Variants in XYLT1 observed in about 807,000 individuals in gnomAD.
XYLT1 encodes xylosyltransferase 1.
In XYLT1, 36 loss-of-function variants were observed where a neutral mutation model predicts 91.3. The observed-to-expected ratio is 0.39, with a 90% CI of 0.30 to 0.52. The LOEUF is 0.52. Ranked by LOEUF, XYLT1 falls within the 20% of genes least tolerant of loss-of-function variation. XYLT1 has a pLI of 0.68. For missense variants in XYLT1, 1,242 were observed against 1,284.5 expected (o/e 0.97, Z 0.51); for synonymous variants, 588 against 532.0 (o/e 1.11, Z -1.45).
intron 5 of XYLT1, among the ~76,000 whole-genome samples, chr16:17,183,132 C>T (rs2032107224): frequency 6.6e-6 from 1 of 152,170 alleles, no homozygotes; most frequent in Non-Finnish European, 1.5e-5. Context: ...CCAGCTTGGC[C>T]ACGATCAAGT....
intron 2 of XYLT1, among the ~76,000 whole-genome samples, chr16:17,270,356 C>A (rs1345056443): frequency 1.1e-4 from 16 of 152,200 alleles, no homozygotes; most frequent in Non-Finnish European, 1.5e-5. Flanking sequence ...CAGAGCCCAG[C>A]CCCTGACTTA....
At chr16:17,441,549 C>T (rs566604418) in intron 1 of XYLT1, among the ~76,000 whole-genome samples, 1 of 150,664 alleles carries the variant, frequency 6.6e-6, no homozygotes, top group East Asian at 1.9e-4. Flanking sequence ...CGCCCTGCAC[C>T]TGTCCTAGAG....
intron 6 of XYLT1, among the ~76,000 whole-genome samples, chr16:17,153,350 A>G (rs2031327740): frequency 6.6e-6 from 1 of 152,250 alleles, no homozygotes; most frequent in Non-Finnish European, 1.5e-5. Flanking sequence ...GTCTGGCTCC[A>G]GAGCCTGGAT....
At chr16:17,421,126 C>A (rs2036246644) in intron 1 of XYLT1, among the ~76,000 whole-genome samples, 1 of 152,198 alleles carries the variant, frequency 6.6e-6, no homozygotes, top group African/African-American at 2.4e-5. Context: ...ATCATTAGGA[C>A]TCCATGGAGA....
intron 1 of XYLT1, among the ~76,000 whole-genome samples, chr16:17,405,324 G>A (rs867860961): frequency 1.6e-4 from 24 of 152,176 alleles, no homozygotes; most frequent in Non-Finnish European, 2.5e-4. Flanking sequence ...GAGAAACAGC[G>A]TGGCTGCCAA....
At chr16:17,292,674 T>C (rs2034249129) in intron 2 of XYLT1, among the ~76,000 whole-genome samples, 1 of 152,142 alleles carries the variant, frequency 6.6e-6, no homozygotes, top group Non-Finnish European at 1.5e-5. Context: ...AGAATAGCAA[T>C]GGGAAATGAA....
intron 5 of XYLT1, among the ~76,000 whole-genome samples, chr16:17,179,919 G>T (rs2032029405): frequency 6.6e-6 from 1 of 152,142 alleles, no homozygotes. Context: ...ACTGCAAGCG[G>T]CCCACAGGCC....
At chr16:17,346,473 G>A (rs891452505) in intron 2 of XYLT1, among the ~76,000 whole-genome samples, 2 of 152,162 alleles carry the variant, frequency 1.3e-5, no homozygotes, top group African/African-American at 4.8e-5. Context: ...CACCAGTCAT[G>A]GACATCCAGC....
rs1009691203 is a variant in XYLT1 at position 17,289,595 on chromosome 16, T to C, written c.403-30097A>G. On this transcript the variant is annotated intron_variant, in intron 2 of 11. Transcript: ENST00000261381. The stretch of plus-strand genomic sequence containing the variant: ...GATATCTTTCTGGATTCCCTAGGTA[T>C]GGGAATTTAAAAAGTTCTGATTGCA... 5.3e-5 allele frequency among the ~76,000 whole-genome samples: 8 copies of C among 152,328 alleles called. No individual in the cohort carries two copies. The East Asian group carries it at 1.2e-3, about 22-fold the overall frequency.
chr16:17,268,694 G>A (rs891463298), intron 2 of XYLT1, among the ~76,000 whole-genome samples: 20 of 146,002 alleles, frequency 1.4e-4, no homozygotes, highest in African/African-American at 4.6e-4. Flanking sequence ...TTTCTGAGAC[G>A]GAGTTTCGCT....
chr16:17,347,493 T>C (rs2035159702), intron 2 of XYLT1, among the ~76,000 whole-genome samples: 1 of 152,212 alleles, frequency 6.6e-6, no homozygotes, highest in Non-Finnish European at 1.5e-5. Context: ...TTTAGAATGT[T>C]TATTTTTGGC....
At chr16:17,255,375 A>G (rs914348734) in intron 3 of XYLT1, among the ~76,000 whole-genome samples, 1 of 152,122 alleles carries the variant, frequency 6.6e-6, no homozygotes, top group Non-Finnish European at 1.5e-5. Flanking sequence ...CTTCTGCCCT[A>G]TGACGGATGG....
In XYLT1 at chr16:17,379,763, T is replaced by TCACA. The variant is rs71137987; in HGVS notation, c.364-21717_364-21714dup. ...CTCTCTCTCTCTCTCTCTCTCTCTC[T>TCACA]CACACACACACACACACACACACAC... On this transcript the variant is annotated intron_variant, in intron 1 of 11. Transcript: ENST00000261381. Among the ~76,000 whole-genome samples, 643 of 125,598 alleles carry TCACA rather than the reference T, an allele frequency of 5.1e-3. 4 individuals are homozygous for TCACA. Among genetic ancestry groups the TCACA allele is most frequent in the Non-Finnish European group, 7.4e-3 (444 of 60,242 alleles). 82.4% of individuals were successfully genotyped at this position (125,598 alleles called of 152,430 possible).
At chr16:17,262,534 G>A (rs956808783) in intron 2 of XYLT1, among the ~76,000 whole-genome samples, 4 of 152,180 alleles carry the variant, frequency 2.6e-5, no homozygotes, top group Non-Finnish European at 4.4e-5. Context: ...TGATGGGGCA[G>A]GGGTGGCATT....
chr16:17,443,023 C>A (rs2036550467), intron 1 of XYLT1, among the ~76,000 whole-genome samples: 1 of 152,158 alleles, frequency 6.6e-6, no homozygotes. Flanking sequence ...CATTTGAGGA[C>A]TGGACGCATT....
chr16:17,295,040 A>G (rs549331647), intron 2 of XYLT1, among the ~76,000 whole-genome samples: 1 of 152,332 alleles, frequency 6.6e-6, no homozygotes, highest in East Asian at 1.9e-4. Flanking sequence ...AGTGGTTAGG[A>G]TGATGCAATG....
At chr16:17,115,988 AAAAAAAAAAAGC>A (rs1966851556) in intron 11 of XYLT1, among the ~76,000 whole-genome samples, 1 of 99,622 alleles carries the variant, frequency 1.0e-5, no homozygotes, top group Non-Finnish European at 2.8e-5. Flanking sequence ...AGTAAAAAAA[AAAAAAAAAAAGC>A]AATCTTACAG....
intron 3 of XYLT1, among the ~76,000 whole-genome samples, chr16:17,244,280 G>T (rs2033398768): frequency 6.6e-6 from 1 of 152,098 alleles, no homozygotes; most frequent in Admixed American, 6.5e-5. Context: ...TGGGGGGTCT[G>T]TTGCCAACAC....
intron 1 of XYLT1, among the ~76,000 whole-genome samples, chr16:17,431,816 C>T (rs1267795499): frequency 1.3e-5 from 2 of 152,160 alleles, no homozygotes; most frequent in African/African-American, 4.8e-5. Context: ...AAAGCGAATC[C>T]TTTTTGGAAG....
Sources: allele counts gnomAD v4.1 joint callset (sites outside exome capture counted in the v4.1 genomes callset), GRCh38; gene constraint gnomAD v4.1.1; transcripts MANE v1.5; gene names NCBI Gene and HGNC (gene_info 2026-07-23, HGNC 2026-07-21).